Variants in POU6F2 observed in about 807,000 individuals in gnomAD.
The protein encoded by POU6F2 is POU class 6 homeobox 2.
POU6F2 carries 31 observed loss-of-function variants against 71.3 expected under a neutral mutation model. The observed-to-expected ratio is 0.43, with a 90% CI of 0.33 to 0.59. The LOEUF (loss-of-function observed/expected upper bound fraction) is 0.59. Among genes scored for constraint, POU6F2 ranks in the 20% least tolerant of loss-of-function variants. POU6F2 has a pLI of 0.04. For missense variants in POU6F2, 783 were observed against 856.8 expected (o/e 0.91, Z 1.07); for synonymous variants, 347 against 355.7 (o/e 0.98, Z 0.27).
intron 5 of POU6F2, among the ~76,000 whole-genome samples, chr7:39,356,320 C>T (rs531726050): frequency 6.6e-6 from 1 of 152,216 alleles, no homozygotes; most frequent in Non-Finnish European, 1.5e-5. Flanking sequence ...TGACACAATC[C>T]CTCCCTCGCT....
chr7:39,100,095 TGGGAA>T (rs1374131038), intron 2 of POU6F2, among the ~76,000 whole-genome samples: 18 of 152,244 alleles, frequency 1.2e-4, no homozygotes, highest in African/African-American at 4.3e-4. Context: ...GTGTTAGGCA[TGGGAA>T]CATGCCTTCA....
At chr7:39,206,082 G>A (rs1343574697) in intron 3 of POU6F2, among the ~76,000 whole-genome samples, 1 of 152,298 alleles carries the variant, frequency 6.6e-6, no homozygotes, top group East Asian at 1.9e-4. Flanking sequence ...TTAGAATAGT[G>A]CCTGGCTATT....
chr7:39,001,294 A>G lies in POU6F2; in HGVS notation c.105+23236A>G, dbSNP rs563608877. 7.4e-4 allele frequency among the ~76,000 whole-genome samples: 112 copies of G among 152,242 alleles called. 2 individuals are homozygous for G. Among genetic ancestry groups the G allele is most frequent in the African/African-American group, 2.6e-3 (107 of 41,540 alleles). On this transcript the variant is annotated intron_variant, in intron 1 of 9. Transcript: ENST00000518318. ...TGCATTGGGTTAGAGTTTATAAACA[A>G]AGAGTTGATAATAGGCGATATATTA...
At chr7:39,220,988 TG>T (rs1363246017) in intron 4 of POU6F2, among the ~76,000 whole-genome samples, 1 of 152,140 alleles carries the variant, frequency 6.6e-6, no homozygotes, top group East Asian at 1.9e-4. Context: ...ATATTGATAA[TG>T]TGTTGAAATG....
intron 5 of POU6F2, among the ~76,000 whole-genome samples, chr7:39,350,731 G>A (rs1424530751): frequency 1.3e-5 from 2 of 152,212 alleles, no homozygotes; most frequent in African/African-American, 4.8e-5. Context: ...GTGAAAAAGT[G>A]AGTATCTTCA....
intron 4 of POU6F2, among the ~76,000 whole-genome samples, chr7:39,265,323 G>A (rs1224371946): frequency 1.3e-5 from 2 of 152,138 alleles, no homozygotes; most frequent in African/African-American, 4.8e-5. Context: ...AGAGCTTCTG[G>A]AGCCAGATGG....
At chr7:39,247,121 A>G (rs934541757) in intron 4 of POU6F2, among the ~76,000 whole-genome samples, 8 of 151,910 alleles carry the variant, frequency 5.3e-5, no homozygotes, top group Non-Finnish European at 2.9e-5. Flanking sequence ...CTTGAATATT[A>G]CCATGTAATT....
intron 1 of POU6F2, among the ~76,000 whole-genome samples, chr7:39,022,180 G>T (rs531530058): frequency 3.3e-5 from 5 of 151,730 alleles, no homozygotes; most frequent in South Asian, 2.1e-4. Flanking sequence ...GTTACTTTCT[G>T]CATTCTTCTC....
At chr7:39,313,650 T>C (rs1785207933) in intron 4 of POU6F2, among the ~76,000 whole-genome samples, 1 of 152,202 alleles carries the variant, frequency 6.6e-6, no homozygotes. Context: ...TAGAGGGTAA[T>C]AGCAGTTAAA....
At chr7:39,418,713 G>T (rs1433088480) in intron 6 of POU6F2, among the ~76,000 whole-genome samples, 1 of 150,136 alleles carries the variant, frequency 6.7e-6, no homozygotes, top group African/African-American at 2.4e-5. Context: ...GAAAAAGAAA[G>T]AAAAGTTAAC....
At chr7:39,318,040 A>G (rs1785307956) in intron 4 of POU6F2, among the ~76,000 whole-genome samples, 1 of 152,006 alleles carries the variant, frequency 6.6e-6, no homozygotes, top group Non-Finnish European at 1.5e-5. Context: ...TGGCACTTAC[A>G]AGGGTTTTTT....
chr7:39,441,629 T>C (rs1234104038), intron 7 of POU6F2, among the ~76,000 whole-genome samples: 1 of 152,182 alleles, frequency 6.6e-6, no homozygotes, highest in African/African-American at 2.4e-5. Context: ...AAGTAGGAAG[T>C]GGACGAGCAT....
rs1266195085 is a variant in POU6F2 at position 39,087,156 on chromosome 7, A to C, written c.277+1125A>C. On this transcript the variant is annotated intron_variant, in intron 2 of 9. Transcript: ENST00000518318. ...AAACACAGGCTTTATTAATTAATTA[A>C]TTAATTTATTTATTTATTTATTTAT... is the stretch of plus-strand genomic sequence containing the variant. 4.1e-5 allele frequency among the ~76,000 whole-genome samples: 4 copies of C among 97,078 alleles called. No individual in the cohort carries two copies. In the South Asian group the frequency reaches 8.0e-4, roughly 19 times the overall value. 63.7% of individuals were successfully genotyped at this position (97,078 alleles called of 152,430 possible). A position where few individuals can be genotyped will look rare whatever the true frequency, so the allele number is the denominator to read the frequency against.
At chr7:39,374,608 C>T (rs535090015) in intron 5 of POU6F2, among the ~76,000 whole-genome samples, 2 of 152,294 alleles carry the variant, frequency 1.3e-5, no homozygotes, top group South Asian at 4.1e-4. Context: ...TTTCTAGTTT[C>T]CCCACAAGAC....
intron 2 of POU6F2, among the ~76,000 whole-genome samples, chr7:39,167,145 T>C (rs1184048722): frequency 2.0e-5 from 3 of 152,132 alleles, no homozygotes. Flanking sequence ...TAATATGTTG[T>C]ATATATAATA....
intron 1 of POU6F2, among the ~76,000 whole-genome samples, chr7:39,008,436 G>T (rs1323749806): frequency 1.3e-5 from 2 of 151,738 alleles, no homozygotes; most frequent in Non-Finnish European, 3.0e-5. Flanking sequence ...TTTGTCAGAT[G>T]AGTAGGTTGC....
chr7:39,339,543 A>G, intron 4 of POU6F2, 99 bp from the exon 5 acceptor site: 1 of 1,428,168 alleles, frequency 7.0e-7, no homozygotes, highest in Non-Finnish European at 9.2e-7. Flanking sequence ...AGAATTTTCT[A>G]AAGGAAACCC....
intron 6 of POU6F2, among the ~76,000 whole-genome samples, chr7:39,427,337 A>G (rs1787995025): frequency 6.6e-6 from 1 of 152,224 alleles, no homozygotes; most frequent in Non-Finnish European, 1.5e-5. Flanking sequence ...GCCTGGCCTT[A>G]AATCCAGCCA....
At chr7:39,365,484 A>G (rs1468071481) in intron 5 of POU6F2, among the ~76,000 whole-genome samples, 1 of 152,252 alleles carries the variant, frequency 6.6e-6, no homozygotes, top group Non-Finnish European at 1.5e-5. Context: ...CAAGGATTTC[A>G]TGACCAAGAA....
Sources: allele counts gnomAD v4.1 joint callset (sites outside exome capture counted in the v4.1 genomes callset), GRCh38; gene constraint gnomAD v4.1.1; transcripts MANE v1.5; gene names NCBI Gene and HGNC (gene_info 2026-07-23, HGNC 2026-07-21).